Variants in ARHGAP24 observed in about 807,000 individuals in gnomAD.
The protein encoded by ARHGAP24 is rho GTPase-activating protein 24.
A neutral mutation model predicts 76.4 loss-of-function variants in ARHGAP24; 50 were observed. The ratio of observed to expected loss-of-function variants is 0.65; its 90% CI spans 0.52 to 0.83. The LOEUF (loss-of-function observed/expected upper bound fraction) is 0.83. Ranked by LOEUF, ARHGAP24 falls within the 40% of genes least tolerant of loss-of-function variation. The pLI is 0.00. For synonymous variants in ARHGAP24, 345 were observed against 323.3 expected, an observed-to-expected ratio of 1.07 and a Z score of -0.72; for missense variants, 930 against 914.2, an observed-to-expected ratio of 1.02 and a Z score of -0.22.
intron 1 of ARHGAP24, among the ~76,000 whole-genome samples, chr4:85,512,425 T>C (rs1243454312): frequency 6.6e-6 from 1 of 152,240 alleles, no homozygotes; most frequent in Non-Finnish European, 1.5e-5. Flanking sequence ...CTTAGTGTAG[T>C]TGCACATTAG....
intron 2 of ARHGAP24, among the ~76,000 whole-genome samples, chr4:85,719,100 T>C (rs966394250): frequency 2.6e-5 from 4 of 152,194 alleles, no homozygotes; most frequent in Admixed American, 2.0e-4. Context: ...CACAAAGTCA[T>C]TTCAGTAAGT....
At chr4:85,625,366 A>G (rs1720904984) in intron 2 of ARHGAP24, among the ~76,000 whole-genome samples, 1 of 152,034 alleles carries the variant, frequency 6.6e-6, no homozygotes, top group Non-Finnish European at 1.5e-5. Flanking sequence ...TTCAGTTTCC[A>G]TGTAGTTGAG....
At chr4:85,720,022 C>A (rs6851145) in intron 2 of ARHGAP24, among the ~76,000 whole-genome samples, 4,776 of 151,704 alleles carry the variant, frequency 0.031, 221 homozygotes, top group African/African-American at 0.11. Context: ...AACAAAAAAA[C>A]CAAACATCGC....
intron 1 of ARHGAP24, among the ~76,000 whole-genome samples, chr4:85,500,928 T>A (rs1446329385): frequency 6.7e-6 from 1 of 149,448 alleles, no homozygotes; most frequent in Non-Finnish European, 1.5e-5. Context: ...TGTCCAAGTG[T>A]TCTCATTGTT....
At position 85,942,149 on chromosome 4, in the gene ARHGAP24, T is replaced by C. The variant is rs1370158701; in HGVS notation, c.475T>C (p.Cys159Arg). The change falls in exon 5 of 10, where the codon TGC (cysteine) becomes CGC (arginine). Residue 159 changes from cysteine to arginine, a missense_variant. Cys to Arg is a radical substitution (Grantham distance 180). Transcript: ENST00000395184. ...NRLAPMLVEQ[C>R]VDFIRQRGLK... ...TCTGGCTCCGATGTTGGTGGAGCAG[T>C]GCGTGGACTTTATCCGACAAAGGGG... 6.2e-7 allele frequency: 1 copy of C among 1,614,028 alleles called. No individual in the cohort carries two copies. Among genetic ancestry groups the C allele is most frequent in the Admixed American group, 1.7e-5 (1 of 59,998 alleles).
chr4:85,565,878 G>C (rs1290445490), intron 1 of ARHGAP24, among the ~76,000 whole-genome samples: 4 of 150,414 alleles, frequency 2.7e-5, no homozygotes, highest in African/African-American at 5.0e-5. Context: ...TTGACTCTTA[G>C]AAGAGTTTTT....
chr4:85,751,685 T>C (rs1726271789), intron 3 of ARHGAP24, among the ~76,000 whole-genome samples: 10 of 152,234 alleles, frequency 6.6e-5, no homozygotes, highest in Admixed American at 6.5e-4. Flanking sequence ...CATGGTTTCC[T>C]GTTAACTAGA....
At chr4:85,836,790 A>C (rs1198957627) in intron 3 of ARHGAP24, among the ~76,000 whole-genome samples, 1 of 152,226 alleles carries the variant, frequency 6.6e-6, no homozygotes, top group Non-Finnish European at 1.5e-5. Context: ...AAGTGTGGTC[A>C]GTGACTAGCA....
intron 5 of ARHGAP24, among the ~76,000 whole-genome samples, chr4:85,961,759 A>G (rs1271827140): frequency 1.3e-5 from 2 of 152,078 alleles, no homozygotes; most frequent in Non-Finnish European, 2.9e-5. Context: ...AAATGCTGTT[A>G]GAAAATATAC....
intron 2 of ARHGAP24, among the ~76,000 whole-genome samples, chr4:85,710,998 C>A (rs1724506453): frequency 6.6e-6 from 1 of 152,000 alleles, no homozygotes; most frequent in Non-Finnish European, 1.5e-5. Flanking sequence ...ATGGAATCAA[C>A]CTAAATACCC....
intron 8 of ARHGAP24, among the ~76,000 whole-genome samples, chr4:85,987,060 A>G (rs1740048540): frequency 6.6e-6 from 1 of 152,144 alleles, no homozygotes; most frequent in Non-Finnish European, 1.5e-5. Context: ...AAACCCATAG[A>G]GCATACAACA....
chr4:85,649,733 CTTCA>C (rs1721863786), intron 2 of ARHGAP24, among the ~76,000 whole-genome samples: 1 of 152,100 alleles, frequency 6.6e-6, no homozygotes. Context: ...CTTCATCTTT[CTTCA>C]TTCATTCACA....
At chr4:85,840,579 G>A (rs1378307660) in intron 3 of ARHGAP24, among the ~76,000 whole-genome samples, 2 of 152,128 alleles carry the variant, frequency 1.3e-5, no homozygotes, top group African/African-American at 2.4e-5. Context: ...GTGGATCCAG[G>A]GTTTTGCTTA....
At chr4:85,776,405 A>T (rs2110081414) in intron 3 of ARHGAP24, among the ~76,000 whole-genome samples, 1 of 152,306 alleles carries the variant, frequency 6.6e-6, no homozygotes, top group Non-Finnish European at 1.5e-5. Flanking sequence ...TTCCCAGAGT[A>T]GGGCAACCTG....
At chr4:85,644,651 T>G in intron 2 of ARHGAP24, among the ~76,000 whole-genome samples, 1 of 152,122 alleles carries the variant, frequency 6.6e-6, no homozygotes, top group Admixed American at 6.6e-5. Flanking sequence ...AAGATGGAGC[T>G]TCAAGAAATA....
At chr4:85,490,676 T>G (rs1235151209) in intron 1 of ARHGAP24, among the ~76,000 whole-genome samples, 1 of 152,222 alleles carries the variant, frequency 6.6e-6, no homozygotes, top group East Asian at 1.9e-4. Flanking sequence ...AAGGTTTTAA[T>G]TAGCCCTAGC....
chr4:85,679,440 G>A (rs1031000265), intron 2 of ARHGAP24, among the ~76,000 whole-genome samples: 3 of 152,134 alleles, frequency 2.0e-5, no homozygotes, highest in African/African-American at 7.2e-5. Context: ...ATTTTGGGGT[G>A]AAATATTTTG....
At position 85,487,303 on chromosome 4, in the gene ARHGAP24, T is replaced by G. The variant is rs1337457084; in HGVS notation, c.-21+11744T>G. ...TTTTATATATAGTAAATATATATAT[T>G]TATTATATATAAAATATATATTTAT... On this transcript the variant is annotated intron_variant, in intron 1 of 9. Coordinates refer to ENST00000395184, the MANE Select transcript of ARHGAP24 (RefSeq NM_001025616.3). Among the ~76,000 whole-genome samples the G allele has an allele frequency of 4.9e-5, 6 of 121,766 alleles. No individual in the cohort carries two copies. In the Admixed American group the frequency reaches 6.2e-4, roughly 13 times the overall value. The allele number at this position is 121,766 out of a possible 152,430, so 79.9% of individuals were successfully genotyped here. A position where few individuals can be genotyped will look rare whatever the true frequency, so the allele number is the denominator to read the frequency against.
intron 1 of ARHGAP24, among the ~76,000 whole-genome samples, chr4:85,495,340 AAT>A (rs1723526808): frequency 2.3e-5 from 3 of 129,520 alleles, no homozygotes. Flanking sequence ...AGAAGTACAG[AAT>A]TTTTTTTTTT....
Sources: allele counts gnomAD v4.1 joint callset (sites outside exome capture counted in the v4.1 genomes callset), GRCh38; gene constraint gnomAD v4.1.1; transcripts MANE v1.5; gene names NCBI Gene and HGNC (gene_info 2026-07-23, HGNC 2026-07-21).